The following DLG2 variants were observed in gnomAD, a reference collection of about 807,000 sequenced individuals.
DLG2 encodes discs large MAGUK scaffold protein 2.
In DLG2, 45 loss-of-function variants were observed where a neutral mutation model predicts 132.5. The observed-to-expected ratio is 0.34, with a 90% CI of 0.27 to 0.44. The LOEUF (loss-of-function observed/expected upper bound fraction) is 0.44. Among genes scored for constraint, DLG2 ranks in the 20% least tolerant of loss-of-function variants. DLG2 has a pLI of 1.00. For synonymous variants in DLG2, 424 were observed against 419.6 expected (o/e 1.01, Z -0.13); for missense variants, 1,045 against 1,196.9 (o/e 0.87, Z 1.87).
At chr11:84,551,483 G>A (rs10792765) in intron 6 of DLG2, among the ~76,000 whole-genome samples, 25,443 of 152,180 alleles carry the variant, frequency 0.17, 2,215 homozygotes, top group South Asian at 0.26. Context: ...ATTACTGCCT[G>A]TGACATGACG....
chr11:84,547,075 A>G (rs988970465), intron 6 of DLG2, among the ~76,000 whole-genome samples: 1 of 152,154 alleles, frequency 6.6e-6, no homozygotes, highest in Non-Finnish European at 1.5e-5. Flanking sequence ...TTATCTGCAA[A>G]ACTGGAATAG....
At chr11:85,243,982 G>A (rs1157554313) in intron 4 of DLG2, among the ~76,000 whole-genome samples, 1 of 151,864 alleles carries the variant, frequency 6.6e-6, no homozygotes, top group African/African-American at 2.4e-5. Flanking sequence ...CCTTAGAGTT[G>A]CTATGAAGTT....
intron 3 of DLG2, among the ~76,000 whole-genome samples, chr11:85,526,522 T>A (rs2074760234): frequency 6.6e-6 from 1 of 152,074 alleles, no homozygotes. Flanking sequence ...CAATAAGAAA[T>A]GTTAAATAAA....
intron 3 of DLG2, among the ~76,000 whole-genome samples, chr11:85,539,814 T>C (rs1202953413): frequency 6.6e-6 from 1 of 152,144 alleles, no homozygotes; most frequent in Non-Finnish European, 1.5e-5. Flanking sequence ...GCAAGAAATA[T>C]AGATTGAAGC....
At chr11:84,921,848 T>C (rs2092771922) in intron 6 of DLG2, among the ~76,000 whole-genome samples, 1 of 152,218 alleles carries the variant, frequency 6.6e-6, no homozygotes, top group South Asian at 2.1e-4. Flanking sequence ...AATTATTTTT[T>C]TCATGTTGTT....
chr11:84,303,360 C>A (rs1310765861), intron 7 of DLG2, among the ~76,000 whole-genome samples: 2 of 152,056 alleles, frequency 1.3e-5, no homozygotes, highest in African/African-American at 4.8e-5. Flanking sequence ...ATAGTGCAGC[C>A]TGTCAGAATA....
intron 7 of DLG2, among the ~76,000 whole-genome samples, chr11:84,407,959 C>T (rs2098865959): frequency 6.6e-6 from 1 of 152,100 alleles, no homozygotes; most frequent in East Asian, 1.9e-4. Flanking sequence ...GGGTATTAAC[C>T]TATAGCCAGC....
At chr11:85,527,149 G>C (rs1172072887) in intron 3 of DLG2, among the ~76,000 whole-genome samples, 1 of 148,796 alleles carries the variant, frequency 6.7e-6, no homozygotes, top group Non-Finnish European at 1.5e-5. Flanking sequence ...TTTTTTGTTT[G>C]TTTGTTTTTG....
chr11:84,884,655 T>C (rs1038518177), intron 6 of DLG2, among the ~76,000 whole-genome samples: 1 of 151,948 alleles, frequency 6.6e-6, no homozygotes, highest in Non-Finnish European at 1.5e-5. Context: ...GTGATGTGAG[T>C]GGTCCTTTTA....
At position 83,591,921 on chromosome 11, in the gene DLG2, A is replaced by G. The variant is rs1366044195; in HGVS notation, c.1940+41290T>C. ...CTTCAAAGAGAATAAAATACCTAGGAATCCAACTTACAAGGGATGTGAAGG... is the reference window on the plus strand; with the variant it reads ...CTTCAAAGAGAATAAAATACCTAGGGATCCAACTTACAAGGGATGTGAAGG... On this transcript the variant is annotated intron_variant, in intron 19 of 27. Transcript: ENST00000376104. 4.9e-5 allele frequency among the ~76,000 whole-genome samples: 7 copies of G among 142,658 alleles called. 2 individuals carry two copies. The highest frequency in any genetic ancestry group is 1.8e-4 in the African/African-American group (7 of 38,362). The allele number at this position is 142,658 out of a possible 152,430, so 93.6% of individuals were successfully genotyped here. A position where few individuals can be genotyped will look rare whatever the true frequency, so the allele number is the denominator to read the frequency against.
Position 84,060,268 on chromosome 11 carries a change from C to T in DLG2, c.750-784G>A, listed in dbSNP as rs565582848. On this transcript the variant is annotated intron_variant, in intron 10 of 27. Coordinates refer to ENST00000376104, the MANE Select transcript of DLG2 (RefSeq NM_001142699.3). The stretch of plus-strand genomic sequence containing the variant: ...TGGAGGTTGCAGTGAGCCGAGATCA[C>T]GCCACTATACTCCAGCCTGGGAGAC... Among the ~76,000 whole-genome samples, 32 of 152,190 alleles carry T rather than the reference C, an allele frequency of 2.1e-4. No individual in the cohort carries two copies. The South Asian group carries it at 6.4e-3, about 31-fold the overall frequency.
chr11:84,266,770 C>T (rs923114787), intron 7 of DLG2, among the ~76,000 whole-genome samples: 3 of 152,180 alleles, frequency 2.0e-5, no homozygotes, highest in African/African-American at 7.2e-5. Flanking sequence ...GCTCAGGAGA[C>T]ATAGTTTAAG....
chr11:85,377,784 C>CAT (rs35941912), intron 3 of DLG2, among the ~76,000 whole-genome samples: 1,662 of 130,208 alleles, frequency 0.013, 25 homozygotes, highest in South Asian at 0.063. Flanking sequence ...TGTGTGTATA[C>CAT]ATATATATAT....
At chr11:83,482,722 C>A (rs1469609) in intron 22 of DLG2, among the ~76,000 whole-genome samples, 94,634 of 151,962 alleles carry the variant, frequency 0.62, 30,100 homozygotes, top group African/African-American at 0.74. Context: ...ATGGAATCTC[C>A]AGTAGCTTAA....
At chr11:83,953,066 A>G (rs942953564) in intron 14 of DLG2, among the ~76,000 whole-genome samples, 3 of 152,240 alleles carry the variant, frequency 2.0e-5, no homozygotes, top group African/African-American at 7.2e-5. Context: ...CATTATCTAT[A>G]TTAATACAAT....
chr11:84,064,491 A>G (rs2096641398), intron 10 of DLG2, among the ~76,000 whole-genome samples: 1 of 152,214 alleles, frequency 6.6e-6, no homozygotes. Flanking sequence ...GTGACTACAG[A>G]CAAGTCACTT....
intron 6 of DLG2, among the ~76,000 whole-genome samples, chr11:84,843,620 G>C (rs948341408): frequency 5.3e-5 from 8 of 151,794 alleles, no homozygotes; most frequent in Non-Finnish European, 8.8e-5. Flanking sequence ...AAATGGTATA[G>C]TATTTGCATA....
chr11:85,376,059 A>G (rs548055981), intron 3 of DLG2, among the ~76,000 whole-genome samples: 2 of 152,336 alleles, frequency 1.3e-5, no homozygotes, highest in African/African-American at 4.8e-5. Context: ...TCAACCTAAT[A>G]AGTAGTTATA....
At chr11:84,912,213 G>A (rs1259028125) in intron 6 of DLG2, among the ~76,000 whole-genome samples, 3 of 152,110 alleles carry the variant, frequency 2.0e-5, no homozygotes, top group African/African-American at 4.8e-5. Context: ...ACAGCGGCGC[G>A]ATCTCGATCT....
Sources: gnomAD v4.1 joint callset for allele counts (sites outside exome capture counted in the v4.1 genomes callset) on GRCh38, gnomAD v4.1.1 for gene constraint, MANE v1.5 for transcripts, NCBI Gene and HGNC (gene_info 2026-07-23, HGNC 2026-07-21) for gene names.